ATP2B3: variants seen among roughly 807,000 people sequenced by gnomAD.
The protein encoded by ATP2B3 is ATPase plasma membrane Ca2+ transporting 3.
In ATP2B3, 12 loss-of-function variants were observed where a neutral mutation model predicts 70.8. The observed-to-expected ratio is 0.17, with a 90% CI of 0.11 to 0.27. The LOEUF (loss-of-function observed/expected upper bound fraction) is 0.27, where lower values mean the gene tolerates loss of function less well. Ranked by LOEUF, ATP2B3 falls within the 10% of genes least tolerant of loss-of-function variation. The pLI is 1.00. For missense variants in ATP2B3, 858 were observed against 1,118.5 expected (o/e 0.77, Z 3.32); for synonymous variants, 460 against 497.8 (o/e 0.92, Z 1.01).
At chrX:153,550,787 G>T (rs1356340280) in intron 12 of ATP2B3, among the ~76,000 whole-genome samples, 1 of 111,666 alleles carries the variant, frequency 9.0e-6, no homozygotes, top group Non-Finnish European at 1.9e-5. Context: ...TGTAGAGCTG[G>T]GGTCTCCTCA....
At chrX:153,525,563 A>G (rs186066719) in intron 2 of ATP2B3, among the ~76,000 whole-genome samples, 1,566 of 112,309 alleles carry the variant, frequency 0.014, 44 homozygotes, top group South Asian at 0.14. Context: ...ATCCAGGACC[A>G]GACACTGCCA....
intron 12 of ATP2B3, among the ~76,000 whole-genome samples, chrX:153,550,984 A>T (rs1240977698): frequency 1.8e-5 from 2 of 111,844 alleles, no homozygotes; most frequent in Non-Finnish European, 3.8e-5. Flanking sequence ...TCTGTCTACC[A>T]GCACGTCTAC....
rs1016985200 is a variant in ATP2B3 at position 153,548,584 on chromosome X, C to T, written c.1124-56C>T. ...ATACCTCTTCTTCCCTCTTCCTGTC[C>T]CCCTCCTTCCCTCACCCGTGGCAAC... is the stretch of plus-strand genomic sequence containing the variant. On this transcript the variant is annotated intron_variant, in intron 9 of 21. Coordinates refer to ENST00000263519, the MANE Select transcript of ATP2B3 (RefSeq NM_001001344.3). 16 of 1,047,527 alleles carry T rather than the reference C, an allele frequency of 1.5e-5. No individual in the cohort carries two copies. In the African/African-American group the frequency reaches 2.6e-4, roughly 17 times the overall value. 86.3% of individuals were successfully genotyped at this position (1,047,527 alleles called of 1,213,427 possible).
At chrX:153,541,966 C>A (rs782238912) in intron 5 of ATP2B3, 40 bp downstream of exon 5, 1 of 1,179,213 alleles carries the variant, frequency 8.5e-7, no homozygotes, top group African/African-American at 1.8e-5. Flanking sequence ...CAAGGAAGCT[C>A]GGCTCCTGCT....
chrX:153,572,998 TC>T (rs1334220208), intron 21 of ATP2B3, among the ~76,000 whole-genome samples: 2 of 112,271 alleles, frequency 1.8e-5, no homozygotes, highest in African/African-American at 6.5e-5. Flanking sequence ...CAGCCACGCA[TC>T]CAAAGTCTAT....
At chrX:153,542,251 C>G (rs1268241690) in intron 5 of ATP2B3, 72 bp from the exon 6 acceptor site, 1 of 1,184,569 alleles carries the variant, frequency 8.4e-7, no homozygotes, top group African/African-American at 1.8e-5. Flanking sequence ...CCCATGGCAC[C>G]TGACGGGACC....
At chrX:153,527,144 T>C (rs2124328516) in intron 2 of ATP2B3, among the ~76,000 whole-genome samples, 1 of 112,593 alleles carries the variant, frequency 8.9e-6, no homozygotes, top group Non-Finnish European at 1.9e-5. Context: ...GGCTCTGAGA[T>C]TGGAAGCGGG....
chrX:153,550,436 C>T lies in ATP2B3; in HGVS notation c.1823+150C>T, dbSNP rs1412484569. The T allele has an allele frequency of 7.7e-6, 7 of 911,747 alleles. 1 individual carries two copies. The highest frequency in any genetic ancestry group is 5.1e-5 in the South Asian group (2 of 39,250). 75.1% of individuals were successfully genotyped at this position (911,747 alleles called of 1,213,427 possible). ...AAGCACGTTCACAATATCATGCAAC[C>T]GTCACCACTACCCAGTTCCAAAACA... is the stretch of plus-strand genomic sequence containing the variant. On this transcript the variant is annotated intron_variant, in intron 12 of 21. Transcript: ENST00000263519.
chrX:153,562,206 C>T lies in ATP2B3; in HGVS notation c.3123C>T (p.Cys1041=). ...TATCCACAGAACAGTGGCTCTGGTG[C>T]CTGTTTGTTGGTGTTGGGGAGCTGG... is the stretch of plus-strand genomic sequence containing the variant. The part of the protein sequence containing the change: ...SPLSTEQWLW[C]LFVGVGELVW... The change falls in exon 20 of 22, where the codon TGC becomes TGT. Residue 1041 remains cysteine (C), a synonymous_variant. Transcript: ENST00000263519. The T allele has an allele frequency of 8.3e-7, 1 of 1,211,880 alleles. No homozygotes were observed. Among genetic ancestry groups the T allele is most frequent in the Non-Finnish European group, 1.1e-6 (1 of 895,393 alleles).
chrX:153,540,713 AG>A (rs2090267217), intron 3 of ATP2B3, among the ~76,000 whole-genome samples: 1 of 111,785 alleles, frequency 8.9e-6, no homozygotes, highest in East Asian at 2.8e-4. Context: ...AGAGCTGGGG[AG>A]GGGGGTGTTG....
Position 153,578,819 on chromosome X carries a change from G to GCA in ATP2B3, c.3343-1159_3343-1158insCA, listed in dbSNP as rs373741082. On this transcript the variant is annotated intron_variant, in intron 21 of 21. Transcript: ENST00000263519. ...TGGAATGTCTGACTGGAAGATGGAG[G>GCA]AGGAGACGGGAGAGAGGACAGGCGG... is the stretch of plus-strand genomic sequence containing the variant. 4.0e-3 allele frequency among the ~76,000 whole-genome samples: 456 copies of GCA among 112,614 alleles called. 2 individuals carry two copies. Among genetic ancestry groups the GCA allele is most frequent in the African/African-American group, 0.014 (426 of 31,002 alleles).
intron 2 of ATP2B3, among the ~76,000 whole-genome samples, chrX:153,535,436 C>A (rs1490375248): frequency 9.0e-6 from 1 of 111,301 alleles, no homozygotes; most frequent in Non-Finnish European, 1.9e-5. Flanking sequence ...TCCTCAGCCA[C>A]TCCCTTTATC....
intron 19 of ATP2B3, among the ~76,000 whole-genome samples, chrX:153,561,726 G>C (rs1399599106): frequency 8.9e-6 from 1 of 112,583 alleles, no homozygotes; most frequent in Non-Finnish European, 1.9e-5. Flanking sequence ...AACAGAGGAC[G>C]GGGTCAGTTT....
intron 21 of ATP2B3, among the ~76,000 whole-genome samples, chrX:153,570,720 C>G (rs1254205774): frequency 9.0e-6 from 1 of 111,443 alleles, no homozygotes; most frequent in Non-Finnish European, 1.9e-5. Flanking sequence ...TCTATGCTAC[C>G]TCTTTCCTTT....
rs1557006336 is a variant in ATP2B3 at position 153,541,533 on chromosome X, C to T, written c.383C>T (p.Ala128Val). ...GTCTCTCTGGGCCTCTCGTTCTATGCGCCGCCAGGAGAGGAGAGTGAAGGT... is the reference window on the plus strand; with the variant it reads ...GTCTCTCTGGGCCTCTCGTTCTATGTGCCGCCAGGAGAGGAGAGTGAAGGT... ...AIVSLGLSFY[A>V]PPGEESEACG... Residue 128 changes from alanine (A) to valine (V), a missense_variant, in exon 4 of 22, where the codon GCG becomes GTG. Around this residue, in one of 5 missense-constraint regions of ATP2B3, gnomAD observed 278 missense variants for 366.2 expected, o/e 0.76. Coordinates refer to ENST00000263519, the MANE Select transcript of ATP2B3 (RefSeq NM_001001344.3). The T allele has an allele frequency of 8.3e-6, 10 of 1,211,086 alleles. No homozygotes were observed. The highest frequency in any genetic ancestry group is 1.1e-5 in the Non-Finnish European group (10 of 895,368).
chrX:153,560,002 C>G, intron 18 of ATP2B3, 60 bp downstream of exon 18: 1 of 1,095,577 alleles, frequency 9.1e-7, no homozygotes, highest in South Asian at 2.0e-5. Context: ...ACCTCGGGCT[C>G]AGATTCTGTC....
Position 153,536,451 on chromosome X carries a change from A to G in ATP2B3, c.204A>G (p.Thr68=). ...GCCGGAGGCTGAAGACCTCACCCAC[A>G]GAGGGTAAGTCCCTCTCAGGCTGCA... ...GLCRRLKTSP[T]EGLADNTNDL... is the part of the protein sequence containing the mutation. The change falls in exon 3 of 22, where the codon ACA becomes ACG. Residue 68 remains threonine, a synonymous_variant. Transcript: ENST00000263519. The G allele has an allele frequency of 1.7e-6, 2 of 1,193,510 alleles. No homozygotes were observed. The highest frequency in any genetic ancestry group is 2.3e-6 in the Non-Finnish European group (2 of 887,188).
intron 7 of ATP2B3, among the ~76,000 whole-genome samples, chrX:153,543,654 C>T (rs965176032): frequency 8.9e-6 from 1 of 112,898 alleles, no homozygotes; most frequent in African/African-American, 3.2e-5. Flanking sequence ...TAGGCAAGCC[C>T]GAGCCAGGAG....
rs782145611 is a variant in ATP2B3 at position 153,549,685 on chromosome X, C to T, written c.1527C>T (p.Leu509=). Residue 509 remains leucine (L), a synonymous_variant, in exon 11 of 22, where the codon CTC becomes CTT. Transcript: ENST00000263519. The stretch of plus-strand genomic sequence containing the variant: ...CCAGCGCCCTGACCCCTAAGATCCT[C>T]GACCTCCTGGTCCATGCCATCTCCA... The part of the protein sequence containing the change: ...PAPSALTPKI[L]DLLVHAISIN... 28 of 1,212,014 alleles carry T rather than the reference C, an allele frequency of 2.3e-5. No individual in the cohort carries two copies. The highest frequency in any genetic ancestry group is 2.9e-5 in the Non-Finnish European group (26 of 895,550).
Sources: gnomAD v4.1 joint callset for allele counts (sites outside exome capture counted in the v4.1 genomes callset) on GRCh38, gnomAD v4.1.1 for gene constraint, gnomAD v4.1.1 regional missense constraint, MANE v1.5 for transcripts, NCBI Gene and HGNC (gene_info 2026-07-23, HGNC 2026-07-21) for gene names.